Variants in TM7SF3 observed in about 807,000 individuals in gnomAD.
The protein encoded by TM7SF3 is seven span transmembrane protein.
A neutral mutation model predicts 65.5 loss-of-function variants in TM7SF3; 60 were observed. The observed-to-expected ratio is 0.92, with a 90% confidence interval of 0.74 to 1.14. TM7SF3 has a LOEUF of 1.14. Among genes scored for constraint, TM7SF3 ranks in the 50% most tolerant of loss-of-function variants. The pLI, the probability that TM7SF3 is intolerant of heterozygous loss-of-function variation, is 0.00. For missense variants in TM7SF3, 623 were observed against 684.8 expected (o/e 0.91, Z 1.01); for synonymous variants, 264 against 259.6 (o/e 1.02, Z -0.16).
chr12:27,000,491 GCT>G (rs1376650493), intron 2 of TM7SF3, among the ~76,000 whole-genome samples: 2 of 151,714 alleles, frequency 1.3e-5, no homozygotes, highest in Admixed American at 1.3e-4. Context: ...ATGGAGTCTC[GCT>G]CTGTCACCCA....
rs1295504225 is a variant in TM7SF3, at chr12:26,990,183, CTTTA to C, written c.868+263_868+266del. On this transcript the variant is annotated intron_variant, in intron 6 of 11. Transcript: ENST00000343028. ...TGGCATGTGTTATCTCCCTTTCCTACTTTATTTATCTTCTTAGCACTCACCATTT... is the reference window on the plus strand; with the variant it reads ...TGGCATGTGTTATCTCCCTTTCCTACTTTATCTTCTTAGCACTCACCATTT... Among the ~76,000 whole-genome samples the C allele has an allele frequency of 1.5e-4, 23 of 152,320 alleles. No homozygotes were observed. The East Asian group carries it at 3.9e-3, about 26-fold the overall frequency.
In TM7SF3 at chr12:26,979,821, C is replaced by T; in HGVS notation, c.1152G>A (p.Gly384=). Residue 384 remains glycine (G), a synonymous_variant, in exon 9 of 12, where the codon GGG becomes GGA. Transcript: ENST00000343028. ...AGAAAGTCACTGACGAGATGAGGAA[C>T]CCCAGCACTAGTCCAACACAGAGCA... is the stretch of plus-strand genomic sequence containing the variant. ...ICMLCVGLVL[G]FLISSVTFFT... 1 of 1,614,100 alleles carries T rather than the reference C, an allele frequency of 6.2e-7. No individual in the cohort carries two copies. The highest frequency in any genetic ancestry group is 8.5e-7 in the Non-Finnish European group (1 of 1,179,990).
chr12:27,004,031 G>C (rs965794415), intron 1 of TM7SF3, among the ~76,000 whole-genome samples: 3 of 152,140 alleles, frequency 2.0e-5, no homozygotes, highest in Non-Finnish European at 4.4e-5. Context: ...GAGAGCTTTT[G>C]TTTGCTTAAG....
chr12:26,985,971 C>A (rs1195770761), intron 6 of TM7SF3, among the ~76,000 whole-genome samples: 1 of 149,550 alleles, frequency 6.7e-6, no homozygotes, highest in Non-Finnish European at 1.5e-5. Context: ...AGGCGCCCAC[C>A]ACCATGCCCG....
At position 26,996,969 on chromosome 12, in the gene TM7SF3, GT is replaced by G. The variant is rs1940625947; in HGVS notation, c.398-108del. On this transcript the variant is annotated intron_variant, in intron 3 of 11. Transcript: ENST00000343028. ...TCTTACAAAAACTTCCCAAATAGAA[GT>G]TAAATATAAACGTAGAGCTTCTAGT... 3.4e-6 allele frequency: 4 copies of G among 1,181,374 alleles called. 1 individual carries two copies. In the South Asian group the frequency reaches 4.8e-5, roughly 14 times the overall value. 73.2% of individuals were successfully genotyped at this position (1,181,374 alleles called of 1,614,324 possible).
intron 9 of TM7SF3, chr12:26,979,006 A>G (rs925247303): frequency 4.6e-5 from 7 of 152,110 alleles, no homozygotes; most frequent in African/African-American, 1.7e-4. Flanking sequence ...ACTATCCAGT[A>G]GTCTTAGAAA....
rs1939388361 is a variant in TM7SF3 at position 26,972,178 on chromosome 12, G to T, written c.*1787C>A. 6.6e-6 allele frequency: 1 copy of T among 152,120 alleles called. No homozygotes were observed. The allele number at this position is 152,120 out of a possible 1,614,324, so 9.4% of individuals were successfully genotyped here. A position where few individuals can be genotyped will look rare whatever the true frequency, so the allele number is the denominator to read the frequency against. On this transcript the variant is annotated 3_prime_UTR_variant, in exon 12 of 12. Coordinates refer to ENST00000343028, the MANE Select transcript of TM7SF3 (RefSeq NM_016551.3). ...CCAGGGTGTCGGGTGCTTTCTTGTG[G>T]TGAAACAAGGGTGTCAAAACTGAGG...
chr12:26,974,231 AAAAACAG>A lies in TM7SF3; in HGVS notation c.1451-11_1451-5del. On this transcript the variant is annotated splice_region_variant and splice_polypyrimidine_tract_variant and intron_variant, in intron 11 of 11. Coordinates refer to ENST00000343028, the MANE Select transcript of TM7SF3 (RefSeq NM_016551.3). ...CATACTGCCAGGATAATGAAGTCTAAAAAACAGTAGAAAAAGTACAGTTTGAACTCTA... is the reference window on the plus strand; with the variant it reads ...CATACTGCCAGGATAATGAAGTCTAATAGAAAAAGTACAGTTTGAACTCTA... 1 of 1,612,262 alleles carries A rather than the reference AAAAACAG, an allele frequency of 6.2e-7. No homozygotes were observed. The highest frequency in any genetic ancestry group is 8.5e-7 in the Non-Finnish European group (1 of 1,179,130).
chr12:26,996,017 T>A (rs536201607), intron 4 of TM7SF3, among the ~76,000 whole-genome samples: 14 of 151,906 alleles, frequency 9.2e-5, no homozygotes, highest in South Asian at 2.1e-4. Context: ...GGCAAAAAAA[T>A]TTTTTTTAAA....
At chr12:27,012,857 G>T in intron 1 of TM7SF3, 1 of 377,528 alleles carries the variant, frequency 2.6e-6, no homozygotes, top group Non-Finnish European at 5.2e-6. Flanking sequence ...AACTAGCTGG[G>T]TGTGGTGGCG....
chr12:26,994,548 T>C (rs1940509289), intron 5 of TM7SF3, among the ~76,000 whole-genome samples: 1 of 152,244 alleles, frequency 6.6e-6, no homozygotes, highest in African/African-American at 2.4e-5. Context: ...GGTTTCACCA[T>C]GTTGGACAGG....
chr12:26,997,194 G>A (rs1395165125), intron 3 of TM7SF3, among the ~76,000 whole-genome samples: 2 of 152,198 alleles, frequency 1.3e-5, no homozygotes, highest in Non-Finnish European at 2.9e-5. Context: ...ACAGGAAGAG[G>A]CATAGCTGTG....
intron 11 of TM7SF3, among the ~76,000 whole-genome samples, chr12:26,974,773 T>G (rs1402135274): frequency 6.6e-6 from 1 of 152,164 alleles, no homozygotes; most frequent in East Asian, 1.9e-4. Context: ...TGCAAGAGTT[T>G]TAAGGTTTTC....
intron 2 of TM7SF3, among the ~76,000 whole-genome samples, chr12:27,001,785 A>C (rs1033435009): frequency 6.6e-6 from 1 of 152,224 alleles, no homozygotes; most frequent in African/African-American, 2.4e-5. Flanking sequence ...AAGAGTCTGA[A>C]TAGGAAGCTG....
intron 6 of TM7SF3, among the ~76,000 whole-genome samples, chr12:26,989,309 G>C (rs935136321): frequency 2.6e-5 from 4 of 152,130 alleles, no homozygotes; most frequent in Non-Finnish European, 4.4e-5. Context: ...GGTGGTGTGT[G>C]CTTGTTAATC....
At chr12:27,004,737 C>CT (rs1410500446) in intron 1 of TM7SF3, among the ~76,000 whole-genome samples, 17 of 151,976 alleles carry the variant, frequency 1.1e-4, no homozygotes, top group Admixed American at 6.6e-5. Flanking sequence ...CTCTGTGATG[C>CT]TACATTACAT....
chr12:26,974,716 C>G (rs578008111), intron 11 of TM7SF3, among the ~76,000 whole-genome samples: 2 of 152,254 alleles, frequency 1.3e-5, no homozygotes, highest in South Asian at 4.1e-4. Context: ...TACTCAGCTT[C>G]TAGTAAAGCT....
chr12:26,993,100 T>C (rs1940446893), intron 5 of TM7SF3, among the ~76,000 whole-genome samples: 1 of 151,672 alleles, frequency 6.6e-6, no homozygotes, highest in Non-Finnish European at 1.5e-5. Flanking sequence ...GCTGTGAGGT[T>C]TTGCCACGTT....
intron 3 of TM7SF3, among the ~76,000 whole-genome samples, chr12:26,998,110 G>A (rs1278401882): frequency 6.6e-6 from 1 of 152,094 alleles, no homozygotes; most frequent in Admixed American, 6.5e-5. Flanking sequence ...TGGGATTACA[G>A]GTGTGAGCCA....
Sources: gnomAD v4.1 joint callset for allele counts (sites outside exome capture counted in the v4.1 genomes callset) on GRCh38, gnomAD v4.1.1 for gene constraint, MANE v1.5 for transcripts, NCBI Gene and HGNC (gene_info 2026-07-23, HGNC 2026-07-21) for gene names.